The following BSX variants were observed in gnomAD, a reference collection of about 807,000 sequenced individuals.
BSX encodes the protein brain-specific homeobox protein homolog.
In BSX, 12 loss-of-function variants were observed where a neutral mutation model predicts 16.9. That is an observed-to-expected ratio of 0.71 (90% CI 0.46 to 1.15). The LOEUF (loss-of-function observed/expected upper bound fraction) is 1.15. Ranked by LOEUF, BSX falls within the 50% of genes most tolerant of loss-of-function variation. The pLI, the probability that BSX is intolerant of heterozygous loss-of-function variation, is 0.00. For synonymous variants in BSX, 160 were observed against 136.4 expected (o/e 1.17, Z -1.20); for missense variants, 292 against 311.8 (o/e 0.94, Z 0.48).
chr11:122,980,105 G>T (rs1864550638), intron 1 of BSX, among the ~76,000 whole-genome samples: 2 of 152,146 alleles, frequency 1.3e-5, no homozygotes, highest in Non-Finnish European at 2.9e-5. Flanking sequence ...TCGGGGTCGC[G>T]CTAGGGACCC....
chr11:122,981,059 G>A (rs1864562127), intron 1 of BSX, among the ~76,000 whole-genome samples: 1 of 152,174 alleles, frequency 6.6e-6, no homozygotes, highest in Non-Finnish European at 1.5e-5. Context: ...CAGAGGCGGA[G>A]AATCAGGATT....
At position 122,978,004 on chromosome 11, in the gene BSX, A is replaced by C. The variant is rs1864519593; in HGVS notation, c.460-113T>G. ...TGATGAAGTATCCAAGAGCGGTGAT[A>C]GCCTCAACTGCTCATAAGTTATCGC... is the stretch of plus-strand genomic sequence containing the variant. On this transcript the variant is annotated intron_variant, in intron 2 of 2. Coordinates refer to ENST00000343035, the MANE Select transcript of BSX (RefSeq NM_001098169.2). 3.1e-6 allele frequency: 4 copies of C among 1,270,334 alleles called. No homozygotes were observed. In the African/African-American group the frequency reaches 4.5e-5, roughly 14 times the overall value. 78.7% of individuals were successfully genotyped at this position (1,270,334 alleles called of 1,614,324 possible). A position where few individuals can be genotyped will look rare whatever the true frequency, so the allele number is the denominator to read the frequency against.
In BSX at chr11:122,977,779, C is replaced by A; in HGVS notation, c.572G>T (p.Gly191Val). The A allele has an allele frequency of 6.2e-7, 1 of 1,613,544 alleles. No homozygotes were observed. Among genetic ancestry groups the A allele is most frequent in the South Asian group, 1.1e-5 (1 of 91,072 alleles). The change falls in exon 3 of 3, where the codon GGT becomes GTT. Residue 191 changes from glycine (G) to valine (V), a missense_variant. By Grantham distance (109) the Gly-to-Val change is moderately radical. Around this residue, in one of 3 missense-constraint regions of BSX, gnomAD observed 107 missense variants for 97.1 expected, o/e 1.10. Coordinates refer to ENST00000343035, the MANE Select transcript of BSX (RefSeq NM_001098169.2). The surrounding 1 kb of genome is among the most constrained non-coding windows in gnomAD (Gnocchi z 4.5). ...GPESPEGSPR[G>V]SEAATAAEAR... ...CTCGGCGGCGGTGGCGGCCTCTGAA[C>A]CGCGGGGGCTGCCCTCGGGGCTTTC... is the stretch of plus-strand genomic sequence containing the variant.
At chr11:122,979,484 G>C (rs1287658374) in intron 1 of BSX, 27 bp from the exon 2 acceptor site, 1 of 1,587,048 alleles carries the variant, frequency 6.3e-7, no homozygotes, top group Non-Finnish European at 8.6e-7. Context: ...AACCAAGTGG[G>C]CAGAGCGTGG....
rs544809367 is a variant in BSX at position 122,979,914 on chromosome 11, C to A, written c.263-457G>T. Among the ~76,000 whole-genome samples, 311 of 152,190 alleles carry A rather than the reference C, an allele frequency of 2.0e-3. 1 individual carries two copies. Among genetic ancestry groups the A allele is most frequent in the African/African-American group, 7.2e-3 (300 of 41,528 alleles). ...ACCCCTGATGACACTCATTGCTGTT[C>A]TGGGGCTGGTAGATGCATGGATATA... On this transcript the variant is annotated intron_variant, in intron 1 of 2. Transcript: ENST00000343035.
rs1324370038 is a variant in BSX at position 122,981,470 on chromosome 11, G to C, written c.202C>G (p.His68Asp). 1 of 1,576,530 alleles carries C rather than the reference G, an allele frequency of 6.3e-7. No homozygotes were observed. Among genetic ancestry groups the C allele is most frequent in the Admixed American group, 1.9e-5 (1 of 53,646 alleles). The change falls in exon 1 of 3, where the codon CAC becomes GAC. Residue 68 changes from histidine (H) to aspartate (D), a missense_variant. Coordinates refer to ENST00000343035, the MANE Select transcript of BSX (RefSeq NM_001098169.2). ...CCCTTATGCAGAGGGTGATGGGCGT[G>C]AGGAGCCAAGAGGGTGGGTGTGGGC... ...LMPTPTLLAP[H>D]AHHPLHKGDH...
rs1177567762 is a variant in BSX, at chr11:122,981,426, A to G, written c.246T>C (p.Tyr82=). The change falls in exon 1 of 3, where the codon TAT becomes TAC. Residue 82 remains tyrosine (Y), a synonymous_variant. Transcript: ENST00000343035. ...GTTACTTACCCGAGGTGGTGAGGAA[A>G]TAAGGATGATGGTGGTCTCCCTTAT... ...PLHKGDHHHP[Y]FLTTSGMPVP... The G allele has an allele frequency of 3.9e-6, 6 of 1,542,398 alleles. No homozygotes were observed. The highest frequency in any genetic ancestry group is 1.2e-5 in the South Asian group (1 of 82,148).
In BSX at chr11:122,977,796, G is replaced by A. The variant is rs754123780; in HGVS notation, c.555C>T (p.Pro185=). The A allele has an allele frequency of 1.9e-6, 3 of 1,613,856 alleles. No homozygotes were observed. The highest frequency in any genetic ancestry group is 1.1e-5 in the South Asian group (1 of 91,082). ...CCTCTGAACCGCGGGGGCTGCCCTC[G>A]GGGCTTTCTGGCCCGTCTGGTGCTT... ...EPKAPDGPES[P]EGSPRGSEAA... Residue 185 remains proline (P), a synonymous_variant, in exon 3 of 3, where the codon CCC becomes CCT. Coordinates refer to ENST00000343035, the MANE Select transcript of BSX (RefSeq NM_001098169.2). This position sits in a 1 kb window ranked among gnomAD's most constrained non-coding sequence, Gnocchi z 4.5.
Position 122,981,458 on chromosome 11 carries a change from G to A in BSX, c.214C>T (p.Pro72Ser). Residue 72 changes from proline (P) to serine (S), a missense_variant, in exon 1 of 3, where the codon CCT becomes TCT. By Grantham distance (74) the Pro-to-Ser change is moderately conservative. Coordinates refer to ENST00000343035, the MANE Select transcript of BSX (RefSeq NM_001098169.2). The stretch of plus-strand genomic sequence containing the variant: ...TGATGGTGGTCTCCCTTATGCAGAG[G>A]GTGATGGGCGTGAGGAGCCAAGAGG... ...PTLLAPHAHHPLHKGDHHHPY... is the reference protein window; with the variant it reads ...PTLLAPHAHHSLHKGDHHHPY... 1 of 1,572,490 alleles carries A rather than the reference G, an allele frequency of 6.4e-7. No homozygotes were observed. The highest frequency in any genetic ancestry group is 8.6e-7 in the Non-Finnish European group (1 of 1,158,132).
In BSX at chr11:122,981,429, A is replaced by G; in HGVS notation, c.243T>C (p.Pro81=). The change falls in exon 1 of 3, where the codon CCT becomes CCC. Residue 81 remains proline, a synonymous_variant. Coordinates refer to ENST00000343035, the MANE Select transcript of BSX (RefSeq NM_001098169.2). ...ACTTACCCGAGGTGGTGAGGAAATA[A>G]GGATGATGGTGGTCTCCCTTATGCA... ...HPLHKGDHHH[P]YFLTTSGMPV... The G allele has an allele frequency of 6.5e-7, 1 of 1,544,134 alleles. No individual in the cohort carries two copies. Among genetic ancestry groups the G allele is most frequent in the Non-Finnish European group, 8.8e-7 (1 of 1,140,248 alleles).
chr11:122,977,682 C>G lies in BSX; in HGVS notation c.669G>C (p.Glu223Asp). Residue 223 changes from glutamate (E) to aspartate (D), a missense_variant, in exon 3 of 3, where the codon GAG becomes GAC. Physicochemically the swap from Glu to Asp is conservative, Grantham distance 45 (BLOSUM62 2). Transcript: ENST00000343035. This position sits in a 1 kb window ranked among gnomAD's most constrained non-coding sequence, Gnocchi z 4.5. ...CGTGCGGCCCTGAGCCCAGCTCCCCCTCGTCTCCAATGTCCACCTCGTCCT... is the reference window on the plus strand; with the variant it reads ...CGTGCGGCCCTGAGCCCAGCTCCCCGTCGTCTCCAATGTCCACCTCGTCCT... The part of the protein sequence containing the change: ...EPEDEVDIGD[E>D]GELGSGPHVL 2 of 1,611,770 alleles carry G rather than the reference C, an allele frequency of 1.2e-6. No homozygotes were observed. Among genetic ancestry groups the G allele is most frequent in the Non-Finnish European group, 1.7e-6 (2 of 1,179,844 alleles).
chr11:122,979,530 C>T, intron 1 of BSX, 73 bp from the exon 2 acceptor site: 3 of 1,363,990 alleles, frequency 2.2e-6, no homozygotes, highest in Non-Finnish European at 3.0e-6. Context: ...GCTCCCCTCC[C>T]CTCCCCTAGC....
rs757240710 is a variant in BSX, at chr11:122,979,429, G to C, written c.291C>G (p.His97Gln). ...TCCCCGGCAGCTCCGCGTGCTGCGG[G>C]TGCGGGAACAGCGCTGGGACTGGCA... Reference protein sequence around the residue: ...SGMPVPALFPHPQHAELPGKH... With the variant: ...SGMPVPALFPQPQHAELPGKH... Residue 97 changes from histidine to glutamine, a missense_variant, in exon 2 of 3, where the codon CAC becomes CAG. This residue lies in a region of BSX where 176 missense variants were observed against 187.2 expected (regional missense o/e 0.94). Coordinates refer to ENST00000343035, the MANE Select transcript of BSX (RefSeq NM_001098169.2). 8.1e-6 allele frequency: 13 copies of C among 1,613,130 alleles called. No individual in the cohort carries two copies. Among genetic ancestry groups the C allele is most frequent in the South Asian group, 1.1e-5 (1 of 91,034 alleles).
chr11:122,980,246 G>T (rs1864553303), intron 1 of BSX, among the ~76,000 whole-genome samples: 1 of 152,026 alleles, frequency 6.6e-6, no homozygotes, highest in African/African-American at 2.4e-5. Flanking sequence ...ACCCTCGCAG[G>T]CTTGACTCTG....
At position 122,977,963 on chromosome 11, in the gene BSX, A is replaced by G; in HGVS notation, c.460-72T>C. On this transcript the variant is annotated intron_variant, in intron 2 of 2. Transcript: ENST00000343035. The surrounding 1 kb of genome is among the most constrained non-coding windows in gnomAD (Gnocchi z 4.5). Reference sequence around the variant, plus strand: ...TGAGCCATCGCTGGGGTTTAGGAAAATGGGCTGCAGTCCGTTGATGAAGTA... The same window carrying G: ...TGAGCCATCGCTGGGGTTTAGGAAAGTGGGCTGCAGTCCGTTGATGAAGTA... 3 of 1,579,574 alleles carry G rather than the reference A, an allele frequency of 1.9e-6. No individual in the cohort carries two copies. Among genetic ancestry groups the G allele is most frequent in the Non-Finnish European group, 2.6e-6 (3 of 1,160,476 alleles).
intron 2 of BSX, among the ~76,000 whole-genome samples, chr11:122,978,795 C>CTTTTTTTTTTTTTTTTTTT (rs35567142): frequency 1.5e-5 from 1 of 64,776 alleles, no homozygotes; most frequent in African/African-American, 5.5e-5. Flanking sequence ...TTTTTCTTTT[C>CTTTTTTTTTTTTTTTTTTT]TTTTTTTTTT....
intron 1 of BSX, among the ~76,000 whole-genome samples, chr11:122,980,404 T>C (rs1264735211): frequency 6.6e-6 from 1 of 152,094 alleles, no homozygotes; most frequent in African/African-American, 2.4e-5. Context: ...TGAGAATAGA[T>C]TGTCACCGGC....
chr11:122,980,980 T>C (rs957114493), intron 1 of BSX, among the ~76,000 whole-genome samples: 1 of 152,072 alleles, frequency 6.6e-6, no homozygotes, highest in African/African-American at 2.4e-5. Context: ...GGACAGAGTG[T>C]TTTGAGTTTC....
In BSX at chr11:122,981,662, T is replaced by A; in HGVS notation, c.10A>T (p.Asn4Tyr). Residue 4 changes from asparagine to tyrosine, a missense_variant, in exon 1 of 3, where the codon AAC (asparagine) becomes TAC (tyrosine). By Grantham distance (143) the Asn-to-Tyr change is moderately radical. Around this residue, in one of 3 missense-constraint regions of BSX, gnomAD observed 176 missense variants for 187.2 expected, o/e 0.94. Transcript: ENST00000343035. MNLNFTSPLHPASS... is the reference protein window; with the variant it reads MNLYFTSPLHPASS... ...GCCGGGTGTAGAGGAGAGGTGAAGT[T>A]GAGATTCATCTTGAGCGGAGCACCT... The A allele has an allele frequency of 6.3e-7, 1 of 1,584,498 alleles. No homozygotes were observed. The highest frequency in any genetic ancestry group is 1.2e-5 in the South Asian group (1 of 86,220).
Sources: gnomAD v4.1 joint callset for allele counts (sites outside exome capture counted in the v4.1 genomes callset) on GRCh38, gnomAD v4.1.1 for gene constraint, gnomAD v4.1.1 regional missense constraint, Gnocchi (gnomAD v3.1) non-coding constraint, MANE v1.5 for transcripts, NCBI Gene and HGNC (gene_info 2026-07-23, HGNC 2026-07-21) for gene names.